POLR1D: variants seen among roughly 807,000 people sequenced by gnomAD.
The protein encoded by POLR1D is DNA-directed RNA polymerases I and III subunit RPAC2.
In POLR1D, 8 loss-of-function variants were observed where a neutral mutation model predicts 10.8. The observed-to-expected ratio is 0.74, with a 90% CI of 0.43 to 1.33. The LOEUF (loss-of-function observed/expected upper bound fraction) is 1.33. Among genes scored for constraint, POLR1D ranks in the 40% most tolerant of loss-of-function variants. The pLI is 0.01. For synonymous variants in POLR1D, 54 were observed against 57.2 expected, an observed-to-expected ratio of 0.94 and a Z score of 0.25; for missense variants, 152 against 161.7, an observed-to-expected ratio of 0.94 and a Z score of 0.32.
intron 1 of POLR1D, among the ~76,000 whole-genome samples, chr13:27,646,899 C>T (rs1044009527): frequency 6.6e-6 from 1 of 152,038 alleles, no homozygotes; most frequent in South Asian, 2.1e-4. Flanking sequence ...TAAAAATCAA[C>T]ATGAAATAAA....
intron 1 of POLR1D, among the ~76,000 whole-genome samples, chr13:27,645,636 A>G (rs1461360203): frequency 6.6e-6 from 1 of 152,066 alleles, no homozygotes; most frequent in Non-Finnish European, 1.5e-5. Context: ...GGAATGGGTC[A>G]CGCTGCACCA....
intron 2 of POLR1D, among the ~76,000 whole-genome samples, chr13:27,659,596 A>G (rs542372987): frequency 6.2e-4 from 95 of 152,272 alleles, no homozygotes; most frequent in African/African-American, 1.9e-3. Flanking sequence ...TGAAATGCCA[A>G]TGCTTACTGC....
rs116927792 is a variant in POLR1D at position 27,623,411 on chromosome 13, C to T, written c.*161C>T. On this transcript the variant is annotated 3_prime_UTR_variant, in exon 2 of 2. Transcript: ENST00000302979. ...GCAGCTGTTGGAATCTCTGCAAGAACCTCTGTATTCTTCTAATAAATTCCC... is the reference window on the plus strand; with the variant it reads ...GCAGCTGTTGGAATCTCTGCAAGAATCTCTGTATTCTTCTAATAAATTCCC... The T allele has an allele frequency of 3.7e-4, 535 of 1,432,704 alleles. 5 individuals carry two copies. The East Asian group carries it at 9.1e-3, about 24-fold the overall frequency. 88.7% of individuals were successfully genotyped at this position (1,432,704 alleles called of 1,614,324 possible).
intron 1 of POLR1D, chr13:27,646,332 A>C (rs1368634524): frequency 6.6e-6 from 1 of 152,174 alleles, no homozygotes; most frequent in Non-Finnish European, 1.5e-5. Flanking sequence ...AAGGGTGAAA[A>C]ACAATCTGTT....
intron 1 of POLR1D, among the ~76,000 whole-genome samples, chr13:27,645,322 C>T (rs1208520693): frequency 2.6e-5 from 4 of 152,030 alleles, no homozygotes; most frequent in Admixed American, 1.3e-4. Flanking sequence ...GGATTTGCTG[C>T]GCAGATATTT....
At chr13:27,653,382 C>T (rs963850742) in intron 2 of POLR1D, among the ~76,000 whole-genome samples, 7 of 152,100 alleles carry the variant, frequency 4.6e-5, no homozygotes, top group East Asian at 1.9e-4. Context: ...GCAGCTTCTT[C>T]CCAGGTATAG....
At chr13:27,658,784 A>T (rs1956331197) in intron 2 of POLR1D, among the ~76,000 whole-genome samples, 1 of 152,228 alleles carries the variant, frequency 6.6e-6, no homozygotes, top group Non-Finnish European at 1.5e-5. Context: ...TTTAGTCAAC[A>T]TAAAGGAATT....
intron 1 of POLR1D, among the ~76,000 whole-genome samples, chr13:27,637,568 T>C (rs1566146133): frequency 6.6e-6 from 1 of 152,232 alleles, no homozygotes; most frequent in Non-Finnish European, 1.5e-5. Context: ...TTTATGTGTA[T>C]GTTTAAGCGC....
chr13:27,637,869 C>A (rs525811), intron 1 of POLR1D, among the ~76,000 whole-genome samples: 4 of 151,804 alleles, frequency 2.6e-5, no homozygotes, highest in African/African-American at 9.7e-5. Context: ...GAGATCAAGC[C>A]ATCCTCCCCC....
At chr13:27,623,961 C>T (rs7317084), downstream of POLR1D, among the ~76,000 whole-genome samples, 15,125 of 152,074 alleles carry the variant, frequency 0.099, 858 homozygotes, top group Middle Eastern at 0.18. Flanking sequence ...ATTGGGATGA[C>T]TAGAAAACAT....
downstream of POLR1D, among the ~76,000 whole-genome samples, chr13:27,623,792 A>C (rs2138520287): frequency 6.6e-6 from 1 of 152,314 alleles, no homozygotes. Context: ...ATTTGGAAGA[A>C]GTGTGAGAAT....
chr13:27,639,755 T>TA (rs960534517), intron 1 of POLR1D, among the ~76,000 whole-genome samples: 7 of 152,310 alleles, frequency 4.6e-5, no homozygotes, highest in Non-Finnish European at 8.8e-5. Context: ...AGGCCATCTA[T>TA]AAATGGATAG....
At chr13:27,627,817 T>A (rs1277375398), downstream of POLR1D, among the ~76,000 whole-genome samples, 2 of 145,714 alleles carry the variant, frequency 1.4e-5, no homozygotes, top group Non-Finnish European at 3.0e-5. Context: ...ACTGGGGACA[T>A]TTGTAATAGT....
intron 2 of POLR1D, among the ~76,000 whole-genome samples, chr13:27,652,485 G>T (rs796650036): frequency 5.9e-5 from 9 of 152,290 alleles, no homozygotes; most frequent in African/African-American, 2.2e-4. Flanking sequence ...CAATCATAGG[G>T]TATGACTCTT....
exon 3 of POLR1D, chr13:27,666,860 A>G (rs1427494359): frequency 6.6e-6 from 1 of 152,164 alleles, no homozygotes; most frequent in Non-Finnish European, 1.5e-5. Flanking sequence ...TACTCAGGAA[A>G]ATGTCACCAA....
At chr13:27,622,235 A>T (rs545936297) in intron 1 of POLR1D, 2 of 600,794 alleles carry the variant, frequency 3.3e-6, no homozygotes, top group East Asian at 5.6e-5. Context: ...TAAGTATCCG[A>T]ACTGCCCACC....
rs116953397 is a variant in POLR1D at position 27,631,063 on chromosome 13, C to T, written c.26+9054C>T. Among the ~76,000 whole-genome samples the T allele has an allele frequency of 1.4e-4, 21 of 152,362 alleles. No individual in the cohort carries two copies. In the East Asian group the frequency reaches 4.1e-3, roughly 29 times the overall value. On this transcript the variant is annotated intron_variant, in intron 1 of 2. Transcript: ENST00000399697. ...AAAGTCGTTTGCTCAGAGAGACCATCCTTGACTGGGTATTAGTCCATTGCT... is the reference window on the plus strand; with the variant it reads ...AAAGTCGTTTGCTCAGAGAGACCATTCTTGACTGGGTATTAGTCCATTGCT...
downstream of POLR1D, among the ~76,000 whole-genome samples, chr13:27,624,349 A>AC (rs1457730313): frequency 1.3e-5 from 2 of 152,240 alleles, no homozygotes; most frequent in Non-Finnish European, 2.9e-5. Flanking sequence ...AACACCTGAC[A>AC]GGTAGTGGAC....
intron 1 of POLR1D, among the ~76,000 whole-genome samples, chr13:27,630,859 A>G (rs555872760): frequency 7.4e-4 from 112 of 152,262 alleles, no homozygotes; most frequent in Non-Finnish European, 1.4e-3. Context: ...GCTGGCTTGC[A>G]TGAGCTGCCC....
Sources: gnomAD v4.1 joint callset for allele counts (sites outside exome capture counted in the v4.1 genomes callset) on GRCh38, gnomAD v4.1.1 for gene constraint, MANE v1.5 for transcripts, NCBI Gene and HGNC (gene_info 2026-07-23, HGNC 2026-07-21) for gene names.